Variants in SOX5 observed in about 807,000 individuals in gnomAD.
SOX5 encodes the protein SRY-box transcription factor 5.
Under a neutral mutation model 92.0 loss-of-function variants are expected in SOX5, and 9 were observed. The ratio of observed to expected loss-of-function variants is 0.10; its 90% CI spans 0.06 to 0.17. The LOEUF (loss-of-function observed/expected upper bound fraction) is 0.17. Ranked by LOEUF, SOX5 falls within the 10% of genes least tolerant of loss-of-function variation. SOX5 has a pLI of 1.00. For synonymous variants in SOX5, 344 were observed against 336.3 expected (o/e 1.02, Z -0.25); for missense variants, 642 against 944.5 (o/e 0.68, Z 4.20).
At chr12:23,957,866 T>C (rs570323825) in intron 4 of SOX5, among the ~76,000 whole-genome samples, 7 of 152,252 alleles carry the variant, frequency 4.6e-5, no homozygotes, top group African/African-American at 1.7e-4. Context: ...AAAATCTTAA[T>C]GTATAAACTG....
In SOX5 at chr12:24,153,877, T is replaced by C. The variant is rs1205244136; in HGVS notation, c.-2+59466A>G. Among the ~76,000 whole-genome samples, 6 of 151,470 alleles carry C rather than the reference T, an allele frequency of 4.0e-5. No homozygotes were observed. The East Asian group carries it at 1.2e-3, about 29-fold the overall frequency. On this transcript the variant is annotated intron_variant, in intron 4 of 4. Transcript: ENST00000446891. ...CACTTGAATACACACACACACACAATCACGCACACAGACAAACCCCACTCA... is the reference window on the plus strand; with the variant it reads ...CACTTGAATACACACACACACACAACCACGCACACAGACAAACCCCACTCA...
chr12:24,516,755 A>C (rs949483921), intron 1 of SOX5, among the ~76,000 whole-genome samples: 1 of 152,208 alleles, frequency 6.6e-6, no homozygotes, highest in African/African-American at 2.4e-5. Flanking sequence ...ATCTCTGTAC[A>C]TGGAATTATA....
At chr12:24,222,826 A>G (rs1366112506) in intron 3 of SOX5, among the ~76,000 whole-genome samples, 2 of 152,190 alleles carry the variant, frequency 1.3e-5, no homozygotes, top group African/African-American at 4.8e-5. Context: ...TAATTGTGGG[A>G]TTTCAAACAA....
At chr12:24,267,940 G>C (rs759237709) in intron 3 of SOX5, among the ~76,000 whole-genome samples, 1 of 152,096 alleles carries the variant, frequency 6.6e-6, no homozygotes, top group Non-Finnish European at 1.5e-5. Flanking sequence ...TGAGGAAGCT[G>C]AAAAGCCATA....
At chr12:24,245,432 T>C (rs1415335878) in intron 3 of SOX5, among the ~76,000 whole-genome samples, 3 of 152,300 alleles carry the variant, frequency 2.0e-5, no homozygotes, top group East Asian at 1.9e-4. Context: ...CAACACACTT[T>C]AAAAAACTTA....
At chr12:24,027,325 A>G (rs184188015) in intron 4 of SOX5, among the ~76,000 whole-genome samples, 1 of 152,058 alleles carries the variant, frequency 6.6e-6, no homozygotes, top group East Asian at 1.9e-4. Flanking sequence ...CTAGACTACC[A>G]TATTCTACTG....
At chr12:24,560,921 G>T (rs994469431) in intron 1 of SOX5, among the ~76,000 whole-genome samples, 2 of 152,092 alleles carry the variant, frequency 1.3e-5, no homozygotes, top group Non-Finnish European at 2.9e-5. Context: ...TGTGTTTTCA[G>T]GGTACTAGGG....
chr12:23,603,208 T>C (rs1364411412), intron 9 of SOX5, among the ~76,000 whole-genome samples: 1 of 151,876 alleles, frequency 6.6e-6, no homozygotes, highest in Non-Finnish European at 1.5e-5. Flanking sequence ...ATTTACTCTC[T>C]GGAGTATACA....
intron 1 of SOX5, among the ~76,000 whole-genome samples, chr12:24,487,374 T>C (rs959356639): frequency 4.6e-5 from 7 of 152,118 alleles, no homozygotes; most frequent in Non-Finnish European, 1.0e-4. Context: ...TTATAAGTTT[T>C]CCAAACTAAA....
intron 1 of SOX5, among the ~76,000 whole-genome samples, chr12:24,462,179 C>T (rs1338034394): frequency 1.3e-5 from 2 of 152,200 alleles, no homozygotes; most frequent in Non-Finnish European, 2.9e-5. Flanking sequence ...AGCTATATGG[C>T]GCAGCCTATT....
At chr12:24,095,301 A>C (rs917202023) in intron 4 of SOX5, among the ~76,000 whole-genome samples, 17 of 152,182 alleles carry the variant, frequency 1.1e-4, no homozygotes, top group African/African-American at 3.9e-4. Context: ...ATAGAATTGT[A>C]ATTGTCTGTT....
At chr12:23,983,646 C>T (rs1407611295) in intron 4 of SOX5, among the ~76,000 whole-genome samples, 1 of 152,086 alleles carries the variant, frequency 6.6e-6, no homozygotes, top group Admixed American at 6.6e-5. Flanking sequence ...AGACTCAAAC[C>T]TTATTCATTC....
At chr12:24,480,168 A>T (rs992425979) in intron 1 of SOX5, among the ~76,000 whole-genome samples, 10 of 152,184 alleles carry the variant, frequency 6.6e-5, no homozygotes, top group Admixed American at 1.3e-4. Flanking sequence ...AAAAAAAGAC[A>T]ATCACTTCAA....
At chr12:23,923,281 C>T (rs1418978359) in intron 1 of SOX5, among the ~76,000 whole-genome samples, 1 of 127,766 alleles carries the variant, frequency 7.8e-6, no homozygotes, top group African/African-American at 2.8e-5. Context: ...TGAGGTTAAA[C>T]CACCCAAAAA....
chr12:24,210,017 C>CAAAAA (rs1173723179), intron 4 of SOX5, among the ~76,000 whole-genome samples: 26 of 62,710 alleles, frequency 4.1e-4, no homozygotes, highest in East Asian at 8.1e-4. Context: ...GACTCCGTCT[C>CAAAAA]AAAAAAAAAA....
intron 1 of SOX5, among the ~76,000 whole-genome samples, chr12:24,476,145 G>A (rs1945356382): frequency 6.6e-6 from 1 of 152,218 alleles, no homozygotes. Flanking sequence ...CATTCCTGGT[G>A]TGTGAGGAAA....
intron 1 of SOX5, among the ~76,000 whole-genome samples, chr12:23,935,579 T>A (rs545875700): frequency 6.6e-6 from 1 of 151,244 alleles, no homozygotes; most frequent in East Asian, 1.9e-4. Context: ...AGTCAGTATC[T>A]CTCAAAAACA....
intron 1 of SOX5, among the ~76,000 whole-genome samples, chr12:23,941,753 A>T (rs1025175731): frequency 1.6e-4 from 25 of 151,622 alleles, no homozygotes; most frequent in Admixed American, 8.6e-4. Context: ...TAAACTGAAT[A>T]GTTTGAGCAC....
At chr12:24,055,672 G>T (rs1330045194) in intron 4 of SOX5, among the ~76,000 whole-genome samples, 1 of 152,074 alleles carries the variant, frequency 6.6e-6, no homozygotes, top group South Asian at 2.1e-4. Context: ...AAATAAATGG[G>T]TGATTCAGCC....
Sources: gnomAD v4.1 joint callset for allele counts (sites outside exome capture counted in the v4.1 genomes callset) on GRCh38, gnomAD v4.1.1 for gene constraint, MANE v1.5 for transcripts, NCBI Gene and HGNC (gene_info 2026-07-23, HGNC 2026-07-21) for gene names.